Variants in GRM7 observed in about 807,000 individuals in gnomAD.
The protein encoded by GRM7 is glutamate metabotropic receptor 7, also known as metabotropic glutamate receptor 7.
Under a neutral mutation model 84.5 loss-of-function variants are expected in GRM7, and 35 were observed. The ratio of observed to expected loss-of-function variants is 0.41; its 90% CI spans 0.32 to 0.55. The LOEUF is 0.55. Ranked by LOEUF, GRM7 falls within the 20% of genes least tolerant of loss-of-function variation. The pLI is 0.19. For synonymous variants in GRM7, 487 were observed against 455.1 expected (o/e 1.07, Z -0.89); for missense variants, 1,003 against 1,194.6 (o/e 0.84, Z 2.36).
intron 4 of GRM7, among the ~76,000 whole-genome samples, chr3:7,386,907 T>C (rs1694807741): frequency 6.6e-6 from 1 of 152,192 alleles, no homozygotes; most frequent in African/African-American, 2.4e-5. Context: ...TGTTCCCTTT[T>C]CTCTGCAACC....
chr3:7,147,188 T>A (rs1460789427), intron 2 of GRM7, among the ~76,000 whole-genome samples: 1 of 152,216 alleles, frequency 6.6e-6, no homozygotes, highest in African/African-American at 2.4e-5. Flanking sequence ...AAACTTGAGA[T>A]TATTTTGAGA....
rs528680120 is a variant in GRM7, at chr3:7,220,328, C to T, written c.736+73660C>T. 5.3e-5 allele frequency among the ~76,000 whole-genome samples: 8 copies of T among 152,290 alleles called. No individual in the cohort carries two copies. In the South Asian group the frequency reaches 1.7e-3, roughly 32 times the overall value. ...ATCCATATGATAAGTTATGTTGATG[C>T]TACATTCCCTTGACACGTTGTAATG... On this transcript the variant is annotated intron_variant, in intron 2 of 9. Transcript: ENST00000357716.
chr3:7,525,909 A>C (rs1700787277), intron 7 of GRM7, among the ~76,000 whole-genome samples: 1 of 152,180 alleles, frequency 6.6e-6, no homozygotes, highest in African/African-American at 2.4e-5. Context: ...ATGGCTGCAT[A>C]GTATTCCATG....
intron 1 of GRM7, among the ~76,000 whole-genome samples, chr3:7,072,523 A>G (rs1559420734): frequency 1.3e-5 from 2 of 151,944 alleles, no homozygotes; most frequent in Non-Finnish European, 2.9e-5. Flanking sequence ...CTCTACAAAA[A>G]GATAGATAAT....
At chr3:7,189,876 A>G (rs1695651044) in intron 2 of GRM7, among the ~76,000 whole-genome samples, 2 of 152,144 alleles carry the variant, frequency 1.3e-5, no homozygotes, top group South Asian at 4.1e-4. Context: ...CTATATTAGA[A>G]TGACTAAACG....
Position 6,861,535 on chromosome 3 carries a change from C to T in GRM7, c.147C>T (p.Val49=), listed in dbSNP as rs184932538. 3.4e-5 allele frequency: 54 copies of T among 1,581,362 alleles called. No homozygotes were observed. Among genetic ancestry groups the T allele is most frequent in the Non-Finnish European group, 4.2e-5 (49 of 1,164,316 alleles). ...APHSIRIEGD[V]TLGGLFPVHA... ...ACTCAATCCGGATCGAGGGGGACGT[C>T]ACCCTCGGGGGGCTGTTCCCCGTGC... Residue 49 remains valine (V), a synonymous_variant, in exon 1 of 10, where the codon GTC becomes GTT. Coordinates refer to ENST00000357716, the MANE Select transcript of GRM7 (RefSeq NM_000844.4). This position sits in a 1 kb window ranked among gnomAD's most constrained non-coding sequence, Gnocchi z 6.4.
chr3:6,931,589 C>T (rs1270026799), intron 1 of GRM7, among the ~76,000 whole-genome samples: 1 of 152,176 alleles, frequency 6.6e-6, no homozygotes, highest in African/African-American at 2.4e-5. Flanking sequence ...TCCAAAGTGC[C>T]CCCTGCAAGA....
chr3:7,319,030 G>T (rs987533634), intron 4 of GRM7, among the ~76,000 whole-genome samples: 1 of 152,030 alleles, frequency 6.6e-6, no homozygotes, highest in Non-Finnish European at 1.5e-5. Context: ...CATTGAACTT[G>T]CCTTCAACAA....
intron 8 of GRM7, among the ~76,000 whole-genome samples, chr3:7,606,678 C>T (rs956253562): frequency 1.3e-4 from 19 of 151,996 alleles, no homozygotes; most frequent in South Asian, 2.1e-4. Flanking sequence ...GGATCACAGG[C>T]GTGCACAACC....
At chr3:7,507,800 C>T (rs1227936637) in intron 7 of GRM7, among the ~76,000 whole-genome samples, 1 of 152,032 alleles carries the variant, frequency 6.6e-6, no homozygotes, top group Non-Finnish European at 1.5e-5. Context: ...AAATTTGGGG[C>T]TCAGTTTTAT....
At chr3:6,938,660 T>C (rs1697777576) in intron 1 of GRM7, among the ~76,000 whole-genome samples, 1 of 152,200 alleles carries the variant, frequency 6.6e-6, no homozygotes, top group Admixed American at 6.5e-5. Context: ...AGGGACGTGT[T>C]AGCAGGGCCC....
rs1355145091 is a variant in GRM7, at chr3:7,203,218, C to T, written c.736+56550C>T. Among the ~76,000 whole-genome samples, 3 of 152,188 alleles carry T rather than the reference C, an allele frequency of 2.0e-5. No individual in the cohort carries two copies. The East Asian group carries it at 5.8e-4, about 29-fold the overall frequency. ...CTCTCTTCATGTCTCCTTCCATCTA[C>T]ACACCCTTCCTAGCCTTTGGTATCT... On this transcript the variant is annotated intron_variant, in intron 2 of 9. Transcript: ENST00000357716.
chr3:7,242,405 A>T (rs1697593513), intron 2 of GRM7, among the ~76,000 whole-genome samples: 1 of 152,142 alleles, frequency 6.6e-6, no homozygotes, highest in Non-Finnish European at 1.5e-5. Context: ...GCTGGACTAG[A>T]GGTTGTGTAA....
intron 2 of GRM7, among the ~76,000 whole-genome samples, chr3:7,286,620 A>AT (rs1461945546): frequency 6.6e-6 from 1 of 152,018 alleles, no homozygotes; most frequent in African/African-American, 2.4e-5. Flanking sequence ...TTCTTTCTGA[A>AT]TTTTTTTGTG....
chr3:7,018,861 G>C (rs934172052), intron 1 of GRM7, among the ~76,000 whole-genome samples: 1 of 152,154 alleles, frequency 6.6e-6, no homozygotes, highest in Non-Finnish European at 1.5e-5. Flanking sequence ...CTTTGGGAGG[G>C]CGAGGCAGGT....
intron 8 of GRM7, among the ~76,000 whole-genome samples, chr3:7,587,347 T>C (rs987480670): frequency 1.3e-5 from 2 of 152,184 alleles, no homozygotes; most frequent in African/African-American, 2.4e-5. Context: ...CTCTACCACA[T>C]GGTAAATGCT....
At chr3:7,414,589 G>C (rs906348136) in intron 4 of GRM7, among the ~76,000 whole-genome samples, 2 of 152,158 alleles carry the variant, frequency 1.3e-5, no homozygotes, top group East Asian at 3.9e-4. Flanking sequence ...ATTGGACTCA[G>C]TTCACCTACA....
chr3:7,652,184 C>A (rs1266095711), intron 8 of GRM7, among the ~76,000 whole-genome samples: 1 of 152,174 alleles, frequency 6.6e-6, no homozygotes, highest in Non-Finnish European at 1.5e-5. Flanking sequence ...GTCTTCCAAA[C>A]TGGTACATGT....
chr3:7,301,745 A>C (rs975740493), intron 3 of GRM7, among the ~76,000 whole-genome samples: 1 of 151,998 alleles, frequency 6.6e-6, no homozygotes, highest in Non-Finnish European at 1.5e-5. Flanking sequence ...GCACAGTACT[A>C]AAAGCCAACA....
Sources: gnomAD v4.1 joint callset for allele counts (sites outside exome capture counted in the v4.1 genomes callset) on GRCh38, gnomAD v4.1.1 for gene constraint, Gnocchi (gnomAD v3.1) non-coding constraint, MANE v1.5 for transcripts, NCBI Gene and HGNC (gene_info 2026-07-23, HGNC 2026-07-21) for gene names.